CEP95: variants seen among roughly 807,000 people sequenced by gnomAD.
CEP95 encodes the protein centrosomal protein 95.
A neutral mutation model predicts 111.2 loss-of-function variants in CEP95; 98 were observed. The observed-to-expected ratio is 0.88, with a 90% confidence interval of 0.75 to 1.04. The LOEUF is 1.04. Among genes scored for constraint, CEP95 ranks in the 50% least tolerant of loss-of-function variants. CEP95 has a pLI of 0.00. For missense variants in CEP95, 1,027 were observed against 977.2 expected (o/e 1.05, Z -0.68); for synonymous variants, 323 against 327.1 (o/e 0.99, Z 0.14).
intron 1 of CEP95, chr17:64,508,353 G>C (rs2038693908): frequency 1.0e-6 from 1 of 985,070 alleles, no homozygotes; most frequent in Admixed American, 6.1e-5. Context: ...TGAATTTGCA[G>C]TATAGTTTTG....
intron 1 of CEP95, chr17:64,507,531 C>T (rs2038622895): frequency 2.7e-6 from 3 of 1,105,346 alleles, no homozygotes; most frequent in Non-Finnish European, 2.2e-6. Context: ...TATTATGCCC[C>T]TGCAGAATAG....
chr17:64,507,009 C>G lies in CEP95; in HGVS notation c.-89C>G. ...GCGCTTTGGTTCGTGCGTCCGCGCCCCAGTGTCGGGTCTGCGTGGATCGGT... is the reference window on the plus strand; with the variant it reads ...GCGCTTTGGTTCGTGCGTCCGCGCCGCAGTGTCGGGTCTGCGTGGATCGGT... On this transcript the variant is annotated 5_prime_UTR_variant, in exon 1 of 20. Transcript: ENST00000556440. 2 of 1,473,560 alleles carry G rather than the reference C, an allele frequency of 1.4e-6. No individual in the cohort carries two copies. Among genetic ancestry groups the G allele is most frequent in the Non-Finnish European group, 1.9e-6 (2 of 1,076,666 alleles). The allele number at this position is 1,473,560 out of a possible 1,614,324, so 91.3% of individuals were successfully genotyped here. A position where few individuals can be genotyped will look rare whatever the true frequency, so the allele number is the denominator to read the frequency against.
In CEP95 at chr17:64,537,079, A is replaced by G; in HGVS notation, c.2256A>G (p.Gln752=). 1.2e-6 allele frequency: 2 copies of G among 1,613,302 alleles called. 1 individual carries two copies. The highest frequency in any genetic ancestry group is 2.2e-5 in the South Asian group (2 of 90,890). ...CAGAAGCCATATCACAGGAACATCA[A>G]GAACTTAAAGCCAGAGAGAAATCTC... ...LLAEAISQEH[Q]ELKAREKSQA... The change falls in exon 19 of 20, where the codon CAA becomes CAG. Residue 752 remains glutamine, a synonymous_variant. Transcript: ENST00000556440.
chr17:64,522,407 C>T (rs1336284076), intron 7 of CEP95, among the ~76,000 whole-genome samples: 4 of 151,272 alleles, frequency 2.6e-5, no homozygotes, highest in Admixed American at 1.3e-4. Context: ...TTTGGGAGGC[C>T]GAGGCAGGAG....
chr17:64,518,594 T>C (rs1555676956), intron 5 of CEP95, among the ~76,000 whole-genome samples: 2 of 152,234 alleles, frequency 1.3e-5, no homozygotes, highest in African/African-American at 4.8e-5. Context: ...TGCTATGTCT[T>C]CATGGTTCGA....
upstream of CEP95, chr17:64,506,770 C>T (rs1339940299): frequency 7.7e-6 from 4 of 518,712 alleles, no homozygotes; most frequent in Admixed American, 3.5e-5. Context: ...GTGCGCTGCT[C>T]GCACCCCGGG....
chr17:64,507,360 G>A (rs1313619747), intron 1 of CEP95: 5 of 1,414,962 alleles, frequency 3.5e-6, no homozygotes, highest in Non-Finnish European at 3.7e-6. Flanking sequence ...TAGGACACTT[G>A]GGTCCTGGCT....
At chr17:64,512,443 A>G (rs1163465010) in intron 3 of CEP95, among the ~76,000 whole-genome samples, 4 of 152,228 alleles carry the variant, frequency 2.6e-5, no homozygotes, top group Non-Finnish European at 5.9e-5. Flanking sequence ...ACTGTATTCT[A>G]AAACTAAGCA....
Position 64,525,768 on chromosome 17 carries a change from A to G in CEP95, c.910-2A>G, listed in dbSNP as rs1967766671. 1.3e-6 allele frequency: 2 copies of G among 1,587,118 alleles called. No individual in the cohort carries two copies. Among genetic ancestry groups the G allele is most frequent in the Non-Finnish European group, 1.7e-6 (2 of 1,163,484 alleles). On this transcript the variant is annotated splice_acceptor_variant, in intron 8 of 19. Transcript: ENST00000556440. LOFTEE classifies it high-confidence loss of function. ...AATCAACTTTTTTTCTGTTTTTAAT[A>G]GGATCTAGATGATGGACTTTTCTTA... is the stretch of plus-strand genomic sequence containing the variant.
In CEP95 at chr17:64,527,111, A is replaced by T; in HGVS notation, c.1153A>T (p.Met385Leu). 1.4e-5 allele frequency: 22 copies of T among 1,609,624 alleles called. No homozygotes were observed. Among genetic ancestry groups the T allele is most frequent in the Non-Finnish European group, 1.9e-5 (22 of 1,178,162 alleles). ...ATGTTGAAAAGAATTTTCTCAATAG[A>T]TGTTAAAAAGTGCTCTGGGTGATCG... ...LSQRLSELDW[M>L]LKSALGDRIK... The change falls in exon 11 of 20, where the codon ATG (methionine) becomes TTG (leucine). Residue 385 changes from methionine (M) to leucine (L), a missense_variant and splice_region_variant. By Grantham distance (15) the Met-to-Leu change is conservative. Transcript: ENST00000556440.
chr17:64,513,608 G>T (rs1260595710), intron 3 of CEP95, among the ~76,000 whole-genome samples: 1 of 152,160 alleles, frequency 6.6e-6, no homozygotes, highest in African/African-American at 2.4e-5. Flanking sequence ...ATTTAAAAAG[G>T]TTTTATATGC....
intron 15 of CEP95, 40 bp from the exon 16 acceptor site, chr17:64,533,077 C>CA (rs1480778315): frequency 5.6e-6 from 9 of 1,605,120 alleles, no homozygotes; most frequent in Non-Finnish European, 7.7e-6. Flanking sequence ...ATTTAGTGAA[C>CA]AGCATTATTA....
rs1555680125 is a variant in CEP95 at position 64,530,922 on chromosome 17, T to G, written c.1447-4T>G. 2.6e-6 allele frequency: 4 copies of G among 1,529,334 alleles called. No individual in the cohort carries two copies. The highest frequency in any genetic ancestry group is 1.2e-5 in the South Asian group (1 of 82,192). The allele number at this position is 1,529,334 out of a possible 1,614,324, so 94.7% of individuals were successfully genotyped here. On this transcript the variant is annotated splice_region_variant and splice_polypyrimidine_tract_variant and intron_variant, in intron 12 of 19. Transcript: ENST00000556440. ...ACTGTAATATATGACCTTTTCCCCT[T>G]TAGGCGTTTACTGAAGCATTTGAAA...
chr17:64,522,569 A>T, intron 7 of CEP95, 133 bp from the exon 8 acceptor site: 1 of 560,016 alleles, frequency 1.8e-6, no homozygotes, highest in Non-Finnish European at 3.1e-6. Context: ...TTATTTTTTT[A>T]TGTGCTTTGT....
chr17:64,509,680 G>A (rs1300948051), intron 2 of CEP95, among the ~76,000 whole-genome samples: 2 of 152,076 alleles, frequency 1.3e-5, no homozygotes, highest in African/African-American at 2.4e-5. Flanking sequence ...GCGAGACCCT[G>A]TCTCAATAAA....
intron 11 of CEP95, among the ~76,000 whole-genome samples, chr17:64,527,866 GTGTGTATA>G (rs1406513263): frequency 6.4e-5 from 8 of 124,226 alleles, no homozygotes; most frequent in African/African-American, 2.5e-4. Context: ...GTGTGTGTGT[GTGTGTATA>G]TATATATATA....
At position 64,514,268 on chromosome 17, in the gene CEP95, G is replaced by C. The variant is rs782453647; in HGVS notation, c.277G>C (p.Asp93His). 7.0e-7 allele frequency: 1 copy of C among 1,431,066 alleles called. No homozygotes were observed. Among genetic ancestry groups the C allele is most frequent in the South Asian group, 1.2e-5 (1 of 81,172 alleles). 88.6% of individuals were successfully genotyped at this position (1,431,066 alleles called of 1,614,324 possible). ...HITGENIVKGDKESIKNLLEI... is the reference protein window; with the variant it reads ...HITGENIVKGHKESIKNLLEI... Reference sequence around the variant, plus strand: ...TCCAGGAGAAAATATAGTGAAAGGAGATAAAGAATCTATTAAGAATCTCCT... The same window carrying C: ...TCCAGGAGAAAATATAGTGAAAGGACATAAAGAATCTATTAAGAATCTCCT... The change falls in exon 4 of 20, where the codon GAT (aspartate) becomes CAT (histidine). Residue 93 changes from aspartate to histidine, a missense_variant. Coordinates refer to ENST00000556440, the MANE Select transcript of CEP95 (RefSeq NM_138363.3).
rs782482844 is a variant in CEP95 at position 64,508,658 on chromosome 17, A to G, written c.86A>G (p.Gln29Arg). ...ATACATCTGAGAATACATGAACTTCAAGACTGTGATGCTAATGTTTTTATT... is the reference window on the plus strand; with the variant it reads ...ATACATCTGAGAATACATGAACTTCGAGACTGTGATGCTAATGTTTTTATT... ...CHIHLRIHEL[Q>R]DCDANVFIAL... Residue 29 changes from glutamine to arginine, a missense_variant, in exon 2 of 20, where the codon CAA becomes CGA. Transcript: ENST00000556440. 1 of 1,467,866 alleles carries G rather than the reference A, an allele frequency of 6.8e-7. No individual in the cohort carries two copies. The highest frequency in any genetic ancestry group is 1.5e-5 in the South Asian group (1 of 65,030). The allele number at this position is 1,467,866 out of a possible 1,614,324, so 90.9% of individuals were successfully genotyped here. A position where few individuals can be genotyped will look rare whatever the true frequency, so the allele number is the denominator to read the frequency against.
chr17:64,510,137 A>G (rs1555674430), intron 2 of CEP95, 36 bp from the exon 3 acceptor site: 6 of 1,295,250 alleles, frequency 4.6e-6, no homozygotes, highest in African/African-American at 1.5e-5. Flanking sequence ...TTGGCCTCTC[A>G]TGGATACAAA....
Sources: allele counts gnomAD v4.1 joint callset (sites outside exome capture counted in the v4.1 genomes callset), GRCh38; gene constraint gnomAD v4.1.1; transcripts MANE v1.5; gene names NCBI Gene and HGNC (gene_info 2026-07-23, HGNC 2026-07-21).